Variants in MYBPHL observed in about 807,000 individuals in gnomAD.
MYBPHL encodes myosin-binding protein H-like.
MYBPHL carries 32 observed loss-of-function variants against 39.5 expected under a neutral mutation model. The observed-to-expected ratio is 0.81, with a 90% CI of 0.61 to 1.09. The LOEUF (loss-of-function observed/expected upper bound fraction) is 1.09. Ranked by LOEUF, MYBPHL falls within the 50% of genes least tolerant of loss-of-function variation. The pLI is 0.00. For synonymous variants in MYBPHL, 196 were observed against 183.7 expected (o/e 1.07, Z -0.54); for missense variants, 456 against 460.2 (o/e 0.99, Z 0.08).
intron 1 of MYBPHL, among the ~76,000 whole-genome samples, chr1:109,305,313 T>A (rs1055424671): frequency 2.0e-5 from 3 of 152,222 alleles, no homozygotes; most frequent in African/African-American, 7.2e-5. Flanking sequence ...TGCACATATA[T>A]TTTGCAAAGT....
chr1:109,297,880 A>G (rs779085074), intron 2 of MYBPHL, among the ~76,000 whole-genome samples: 5 of 152,304 alleles, frequency 3.3e-5, no homozygotes, highest in Non-Finnish European at 5.9e-5. Context: ...GACCAATTGA[A>G]TAGCCACTCA....
intron 1 of MYBPHL, among the ~76,000 whole-genome samples, chr1:109,301,618 G>A (rs1658282100): frequency 6.6e-6 from 1 of 152,032 alleles, no homozygotes; most frequent in Non-Finnish European, 1.5e-5. Context: ...GCGGGCACCT[G>A]TAATCCCAGC....
chr1:109,294,272 C>T, intron 7 of MYBPHL, 23 bp from the exon 8 acceptor site: 1 of 1,606,770 alleles, frequency 6.2e-7, no homozygotes, highest in Non-Finnish European at 8.5e-7. Context: ...GGACATTTCT[C>T]AGTGTTAACA....
chr1:109,305,539 A>C (rs1658437070), intron 1 of MYBPHL, among the ~76,000 whole-genome samples: 1 of 152,214 alleles, frequency 6.6e-6, no homozygotes, highest in Non-Finnish European at 1.5e-5. Context: ...GCTTTTGGGA[A>C]GACCAGTAGA....
At chr1:109,295,001 G>A (rs191645241) in intron 7 of MYBPHL, 110 bp downstream of exon 7, 13 of 1,012,846 alleles carry the variant, frequency 1.3e-5, no homozygotes, top group South Asian at 3.3e-5. Flanking sequence ...AGAGTCCAGC[G>A]GAGGAACCCC....
chr1:109,298,168 C>T lies in MYBPHL; in HGVS notation c.234+1G>A. 6.2e-7 allele frequency: 1 copy of T among 1,605,030 alleles called. No homozygotes were observed. Among genetic ancestry groups the T allele is most frequent in the African/African-American group, 1.3e-5 (1 of 74,424 alleles). The stretch of plus-strand genomic sequence containing the variant: ...ACCCAGTATGGGGCTGGCATGATCA[C>T]CTGGAATGGGATTAGTAGGTTCACT... On this transcript the variant is annotated splice_donor_variant, in intron 2 of 8. Transcript: ENST00000357155. LOFTEE classifies it high-confidence loss of function.
intron 1 of MYBPHL, among the ~76,000 whole-genome samples, chr1:109,304,540 C>T (rs930565557): frequency 3.3e-5 from 5 of 152,162 alleles, no homozygotes; most frequent in African/African-American, 9.7e-5. Flanking sequence ...TCCAGGAGAG[C>T]TCCACTTCCG....
At chr1:109,296,416 C>A in intron 5 of MYBPHL, 46 bp from the exon 6 acceptor site, 1 of 1,601,704 alleles carries the variant, frequency 6.2e-7, no homozygotes, top group Non-Finnish European at 8.5e-7. Context: ...GAGATCCCAG[C>A]CCTCGTCGAC....
rs1368403881 is a variant in MYBPHL, at chr1:109,295,128, C to G, written c.1037G>C (p.Cys346Ser). Residue 346 changes from cysteine (C) to serine (S), a missense_variant, in exon 7 of 9, where the codon TGT becomes TCT. Transcript: ENST00000357155. ...VNPLGEASVD[C>S]RVDVKVPN Reference sequence around the variant, plus strand: ...GCCCTTACCTTTCACATCCACCCGACAGTCCACAGATGCCTCCCCTAGGGG... The same window carrying G: ...GCCCTTACCTTTCACATCCACCCGAGAGTCCACAGATGCCTCCCCTAGGGG... The G allele has an allele frequency of 2.5e-6, 4 of 1,613,468 alleles. No homozygotes were observed. The South Asian group carries it at 4.4e-5, about 18-fold the overall frequency.
At chr1:109,305,408 G>A (rs1398775256) in intron 1 of MYBPHL, among the ~76,000 whole-genome samples, 1 of 152,354 alleles carries the variant, frequency 6.6e-6, no homozygotes, top group East Asian at 1.9e-4. Context: ...GGCCTGCAGT[G>A]TACAGAGCTG....
chr1:109,297,398 C>A (rs1658117149), intron 3 of MYBPHL, 24 bp downstream of exon 3: 2 of 1,600,662 alleles, frequency 1.2e-6, no homozygotes, highest in Non-Finnish European at 1.7e-6. Flanking sequence ...AGGACCCCCC[C>A]ATCTCCCACT....
intron 1 of MYBPHL, among the ~76,000 whole-genome samples, chr1:109,299,077 C>G (rs190141858): frequency 6.6e-6 from 1 of 152,342 alleles, no homozygotes; most frequent in East Asian, 1.9e-4. Context: ...ATGCCTCACA[C>G]TGTCTCAGCT....
intron 1 of MYBPHL, among the ~76,000 whole-genome samples, chr1:109,305,806 A>G (rs1404260873): frequency 6.6e-6 from 1 of 152,238 alleles, no homozygotes; most frequent in Non-Finnish European, 1.5e-5. Context: ...AACCCTATGG[A>G]GGTAGAACGC....
chr1:109,296,394 C>A lies in MYBPHL; in HGVS notation c.731-24G>T, dbSNP rs375640575. ...AGCTGAGGGCACCAAGAGGGGCTGGCATGTAGCTTCTGAGATCCCAGCCCT... is the reference window on the plus strand; with the variant it reads ...AGCTGAGGGCACCAAGAGGGGCTGGAATGTAGCTTCTGAGATCCCAGCCCT... On this transcript the variant is annotated intron_variant, in intron 5 of 8. Coordinates refer to ENST00000357155, the MANE Select transcript of MYBPHL (RefSeq NM_001010985.3). The A allele has an allele frequency of 2.5e-6, 4 of 1,612,094 alleles. No homozygotes were observed. In the African/African-American group the frequency reaches 5.4e-5, roughly 22 times the overall value.
intron 2 of MYBPHL, among the ~76,000 whole-genome samples, chr1:109,297,828 CA>C (rs1658138031): frequency 6.6e-6 from 1 of 152,124 alleles, no homozygotes; most frequent in African/African-American, 2.4e-5. Flanking sequence ...TTGAGTCTCC[CA>C]ATCTCTGAGA....
intron 1 of MYBPHL, among the ~76,000 whole-genome samples, chr1:109,304,044 G>A (rs1355513885): frequency 1.3e-5 from 2 of 152,066 alleles, no homozygotes; most frequent in Admixed American, 1.3e-4. Context: ...TTTGAAGCAG[G>A]AAGCCTGCAT....
Position 109,295,148 on chromosome 1 carries a change from T to A in MYBPHL, c.1017A>T (p.Leu339=), listed in dbSNP as rs1424931471. 1 of 1,613,672 alleles carries A rather than the reference T, an allele frequency of 6.2e-7. No individual in the cohort carries two copies. Among genetic ancestry groups the A allele is most frequent in the Non-Finnish European group, 8.5e-7 (1 of 1,179,952 alleles). Residue 339 remains leucine (L), a synonymous_variant, in exon 7 of 9, where the codon CTA becomes CTT. Coordinates refer to ENST00000357155, the MANE Select transcript of MYBPHL (RefSeq NM_001010985.3). ...CCCGACAGTCCACAGATGCCTCCCC[T>A]AGGGGGTTCACCGCCTTGCAGGTAT... The part of the protein sequence containing the change: ...GIYTCKAVNP[L]GEASVDCRVD...
At chr1:109,305,315 T>C (rs1557767406) in intron 1 of MYBPHL, among the ~76,000 whole-genome samples, 1 of 152,202 alleles carries the variant, frequency 6.6e-6, no homozygotes, top group Non-Finnish European at 1.5e-5. Context: ...CACATATATT[T>C]TGCAAAGTAT....
Position 109,294,247 on chromosome 1 carries a change from G to C in MYBPHL, c.1057C>G (p.Pro353Ala), listed in dbSNP as rs902692350. 4 of 1,609,672 alleles carry C rather than the reference G, an allele frequency of 2.5e-6. No homozygotes were observed. In the African/African-American group the frequency reaches 5.3e-5, roughly 22 times the overall value. ...TGCCTTCTTAGGTGTCCTCAATTAG[G>C]AACTGTAATAATTCGGACATTTCTC... The part of the protein sequence containing the change: ...SVDCRVDVKV[P>A]N The change falls in exon 8 of 9, where the codon CCT becomes GCT. Residue 353 changes from proline (P) to alanine (A), a missense_variant and splice_region_variant. Coordinates refer to ENST00000357155, the MANE Select transcript of MYBPHL (RefSeq NM_001010985.3).
Sources: gnomAD v4.1 joint callset for allele counts (sites outside exome capture counted in the v4.1 genomes callset) on GRCh38, gnomAD v4.1.1 for gene constraint, MANE v1.5 for transcripts, NCBI Gene and HGNC (gene_info 2026-07-23, HGNC 2026-07-21) for gene names.